Variants in DSCAM observed in about 807,000 individuals in gnomAD.
DSCAM encodes the protein DS cell adhesion molecule.
Under a neutral mutation model 217.7 loss-of-function variants are expected in DSCAM, and 47 were observed. The observed-to-expected ratio is 0.22, with a 90% CI of 0.17 to 0.28. The LOEUF (loss-of-function observed/expected upper bound fraction) is 0.28, where lower values mean the gene tolerates loss of function less well. DSCAM is among the 10% of genes least tolerant of loss of function. DSCAM has a pLI of 1.00. For missense variants in DSCAM, 2,080 were observed against 2,618.3 expected, an observed-to-expected ratio of 0.79 and a Z score of 4.49; for synonymous variants, 1,056 against 1,015.3, an observed-to-expected ratio of 1.04 and a Z score of -0.76.
intron 11 of DSCAM, among the ~76,000 whole-genome samples, chr21:40,202,659 C>G (rs1218044131): frequency 6.6e-6 from 1 of 152,226 alleles, no homozygotes; most frequent in Non-Finnish European, 1.5e-5. Flanking sequence ...GGGCCAACGC[C>G]CAGTATTTTG....
intron 15 of DSCAM, among the ~76,000 whole-genome samples, chr21:40,173,338 AAGAACATTTC>A (rs2090679911): frequency 6.6e-6 from 1 of 152,208 alleles, no homozygotes; most frequent in African/African-American, 2.4e-5. Context: ...GGAAGAGACG[AAGAACATTTC>A]AGAACATTCC....
chr21:40,733,830 T>TGGTTC (rs771994756), intron 1 of DSCAM, among the ~76,000 whole-genome samples: 5 of 152,182 alleles, frequency 3.3e-5, no homozygotes, highest in Admixed American at 6.5e-5. Flanking sequence ...TGGCTTGGTT[T>TGGTTC]GGTTCTGGGG....
intron 10 of DSCAM, among the ~76,000 whole-genome samples, chr21:40,288,719 G>T (rs189296721): frequency 6.6e-6 from 1 of 152,174 alleles, no homozygotes; most frequent in Non-Finnish European, 1.5e-5. Flanking sequence ...CATGATAATG[G>T]CAATAATGAT....
chr21:40,729,097 T>C (rs1309783328), intron 1 of DSCAM, among the ~76,000 whole-genome samples: 2 of 152,360 alleles, frequency 1.3e-5, no homozygotes, highest in South Asian at 2.1e-4. Context: ...ATTAAATAAT[T>C]AGCTTTTATG....
chr21:40,660,547 G>A (rs1162335078), intron 3 of DSCAM, among the ~76,000 whole-genome samples: 1 of 152,180 alleles, frequency 6.6e-6, no homozygotes, highest in Non-Finnish European at 1.5e-5. Flanking sequence ...GGTTCTATTT[G>A]AGCCTTGTTC....
intron 1 of DSCAM, 69 bp from the exon 2 acceptor site, chr21:40,708,840 T>TG: frequency 8.6e-7 from 1 of 1,161,530 alleles, no homozygotes; most frequent in Admixed American, 2.9e-5. Context: ...GTTCAATGTC[T>TG]GGCCTCAGAA....
Position 40,236,239 on chromosome 21 carries a change from C to A in DSCAM, c.2356+39858G>T, listed in dbSNP as rs531678545. Among the ~76,000 whole-genome samples the A allele has an allele frequency of 5.6e-4, 86 of 152,294 alleles. 1 individual carries two copies. Among genetic ancestry groups the A allele is most frequent in the African/African-American group, 2.0e-3 (83 of 41,570 alleles). ...TGTATGATATGCCAAGCACTGAGCCCAGGGTGTGGCCCAAAGAGGAAACTT... is the reference window on the plus strand; with the variant it reads ...TGTATGATATGCCAAGCACTGAGCCAAGGGTGTGGCCCAAAGAGGAAACTT... On this transcript the variant is annotated intron_variant, in intron 11 of 32. Transcript: ENST00000400454.
At chr21:40,741,086 C>T (rs191452279) in intron 1 of DSCAM, among the ~76,000 whole-genome samples, 15 of 152,182 alleles carry the variant, frequency 9.9e-5, no homozygotes, top group African/African-American at 3.4e-4. Flanking sequence ...AACCTGAAGT[C>T]AGTGCAGAAA....
rs766793872 is a variant in DSCAM, at chr21:40,353,754, AAT to A, written c.656-13_656-12del. ...CTGAGTTCGCTGGGTCTGTAGAAGA[AAT>A]AAAAACTCTTAGAGGCAGGAATGAG... On this transcript the variant is annotated splice_polypyrimidine_tract_variant and intron_variant, in intron 4 of 32. Transcript: ENST00000400454. The A allele has an allele frequency of 1.3e-6, 2 of 1,525,014 alleles. No homozygotes were observed. Among genetic ancestry groups the A allele is most frequent in the South Asian group, 2.6e-5 (2 of 77,816 alleles). The allele number at this position is 1,525,014 out of a possible 1,614,324, so 94.5% of individuals were successfully genotyped here.
intron 24 of DSCAM, among the ~76,000 whole-genome samples, chr21:40,081,812 CTG>C (rs2089465728): frequency 1.3e-5 from 2 of 152,288 alleles, no homozygotes; most frequent in Middle Eastern, 6.8e-3. Flanking sequence ...TTGGCCACTA[CTG>C]TGTTTCAGGA....
chr21:40,435,326 A>G (rs980873), intron 3 of DSCAM, among the ~76,000 whole-genome samples: 112,662 of 152,068 alleles, frequency 0.74, 42,095 homozygotes, highest in Middle Eastern at 0.84. Flanking sequence ...ATGTTTGTTT[A>G]ATTTAGTTGG....
intron 14 of DSCAM, among the ~76,000 whole-genome samples, chr21:40,182,012 A>T (rs1432305612): frequency 1.3e-5 from 2 of 151,932 alleles, no homozygotes; most frequent in African/African-American, 4.8e-5. Flanking sequence ...AGCCAGTGAG[A>T]CTGCGCTGGG....
intron 20 of DSCAM, among the ~76,000 whole-genome samples, chr21:40,119,176 C>G (rs994282855): frequency 6.6e-6 from 1 of 152,122 alleles, no homozygotes; most frequent in Non-Finnish European, 1.5e-5. Context: ...GTTTGTGATG[C>G]CCCCTAACTC....
intron 32 of DSCAM, among the ~76,000 whole-genome samples, chr21:40,028,478 C>G (rs1220640892): frequency 1.3e-5 from 2 of 151,896 alleles, no homozygotes; most frequent in Non-Finnish European, 1.5e-5. Flanking sequence ...TGATCTCAGA[C>G]TGCTCTGCTA....
At chr21:40,844,516 T>C (rs578025158) in intron 1 of DSCAM, among the ~76,000 whole-genome samples, 5 of 152,376 alleles carry the variant, frequency 3.3e-5, no homozygotes, top group African/African-American at 1.2e-4. Context: ...AATCTACCTA[T>C]ATTTATTACA....
chr21:40,669,582 TTA>T (rs150530466), intron 3 of DSCAM, among the ~76,000 whole-genome samples: 1,920 of 42,962 alleles, frequency 0.045, 38 homozygotes, highest in African/African-American at 0.085. Context: ...CCAAATGTTG[TTA>T]TATATATTTT....
intron 1 of DSCAM, among the ~76,000 whole-genome samples, chr21:40,774,315 G>T (rs1240209720): frequency 6.6e-6 from 1 of 152,238 alleles, no homozygotes; most frequent in Non-Finnish European, 1.5e-5. Flanking sequence ...AGGCTGGTGT[G>T]CTGGGAATCA....
intron 3 of DSCAM, among the ~76,000 whole-genome samples, chr21:40,414,075 G>A (rs2075348108): frequency 6.6e-6 from 1 of 152,120 alleles, no homozygotes. Context: ...AAGCAAAGAT[G>A]TTTTATATGG....
intron 3 of DSCAM, among the ~76,000 whole-genome samples, chr21:40,489,790 A>T (rs538678983): frequency 5.0e-4 from 75 of 150,326 alleles, no homozygotes; most frequent in Middle Eastern, 6.8e-3. Context: ...AAAAAAAAAA[A>T]AAAAAAAAAA....
Sources: gnomAD v4.1 joint callset for allele counts (sites outside exome capture counted in the v4.1 genomes callset) on GRCh38, gnomAD v4.1.1 for gene constraint, MANE v1.5 for transcripts, NCBI Gene and HGNC (gene_info 2026-07-23, HGNC 2026-07-21) for gene names.